SIK3: variants seen among roughly 807,000 people sequenced by gnomAD.
SIK3 encodes the protein SIK family kinase 3, also known as serine/threonine-protein kinase SIK3.
Under a neutral mutation model 144.2 loss-of-function variants are expected in SIK3, and 28 were observed. The ratio of observed to expected loss-of-function variants is 0.19; its 90% CI spans 0.14 to 0.27. The LOEUF (loss-of-function observed/expected upper bound fraction) is 0.27, where lower values mean the gene tolerates loss of function less well. SIK3 is among the 10% of genes least tolerant of loss of function. The pLI is 1.00. For synonymous variants in SIK3, 686 were observed against 676.3 expected (o/e 1.01, Z -0.22); for missense variants, 1,319 against 1,776.0 (o/e 0.74, Z 4.62).
intron 1 of SIK3, among the ~76,000 whole-genome samples, chr11:117,024,494 C>T (rs531950219): frequency 3.3e-5 from 5 of 152,270 alleles, no homozygotes; most frequent in South Asian, 4.1e-4. Context: ...TGCCCCATAA[C>T]TCTAAACTGA....
At position 116,858,504 on chromosome 11, in the gene SIK3, C is replaced by A. The variant is rs148013820; in HGVS notation, c.2961G>T (p.Pro987=). The A allele has an allele frequency of 1.1e-4, 182 of 1,610,456 alleles. 1 individual carries two copies. The African/African-American group carries it at 2.2e-3, about 20-fold the overall frequency. Residue 987 remains proline (P), a synonymous_variant, in exon 21 of 25, where the codon CCG becomes CCT. Transcript: ENST00000445177. This position sits in a 1 kb window ranked among gnomAD's most constrained non-coding sequence, Gnocchi z 5.4. ...GTAGTGCCGACGTGGTATAGTGTGGCGGCTGCTGATGTGCACTGGGAGGGA... is the reference window on the plus strand; with the variant it reads ...GTAGTGCCGACGTGGTATAGTGTGGAGGCTGCTGATGTGCACTGGGAGGGA... ...PTFPPSAHQQ[P]PHYTTSALQQ...
intron 6 of SIK3, among the ~76,000 whole-genome samples, chr11:116,892,475 C>T (rs1346273785): frequency 6.6e-6 from 1 of 152,114 alleles, no homozygotes; most frequent in Non-Finnish European, 1.5e-5. Context: ...GATGCTCATC[C>T]TCATACATCA....
chr11:117,016,257 C>T (rs1362908553), intron 1 of SIK3, among the ~76,000 whole-genome samples: 4 of 147,950 alleles, frequency 2.7e-5, no homozygotes, highest in African/African-American at 5.0e-5. Flanking sequence ...ACCCAGGAGG[C>T]GGCCCTTGCA....
intron 15 of SIK3, among the ~76,000 whole-genome samples, chr11:116,866,542 A>G (rs1943653551): frequency 6.6e-6 from 1 of 152,092 alleles, no homozygotes; most frequent in African/African-American, 2.4e-5. Context: ...CCCGGGTTCA[A>G]GCAATTCTCC....
chr11:116,904,105 T>C (rs911400091), intron 4 of SIK3, among the ~76,000 whole-genome samples: 5 of 152,200 alleles, frequency 3.3e-5, no homozygotes, highest in Admixed American at 1.3e-4. Flanking sequence ...TATGGAACTC[T>C]TCCAATGGGA....
chr11:116,896,269 T>C lies in SIK3; in HGVS notation c.849A>G (p.Pro283=), dbSNP rs1331841260. Residue 283 remains proline, a synonymous_variant, in exon 6 of 25, where the codon CCA becomes CCG. Coordinates refer to ENST00000445177, the MANE Select transcript of SIK3 (RefSeq NM_001366686.3). ...CTCCCTTACCTGTGGACATAAAAAA[T>C]GGGATGCGGAACTTTCCACTCAGCA... is the stretch of plus-strand genomic sequence containing the variant. The part of the protein sequence containing the change: ...ARVLSGKFRI[P]FFMSTECEHL... The C allele has an allele frequency of 2.5e-6, 4 of 1,613,626 alleles. No individual in the cohort carries two copies. Among genetic ancestry groups the C allele is most frequent in the African/African-American group, 1.3e-5 (1 of 74,904 alleles).
intron 4 of SIK3, among the ~76,000 whole-genome samples, chr11:116,909,886 T>C (rs1365764567): frequency 6.6e-6 from 1 of 152,224 alleles, no homozygotes; most frequent in Non-Finnish European, 1.5e-5. Context: ...GACAGAGATC[T>C]CAACTAAAGT....
intron 1 of SIK3, among the ~76,000 whole-genome samples, chr11:117,009,417 G>A (rs1951170516): frequency 6.6e-6 from 1 of 151,716 alleles, no homozygotes; most frequent in South Asian, 2.1e-4. Flanking sequence ...GTGAGGCACT[G>A]GGAATGGTGG....
In SIK3 at chr11:116,845,165, G is replaced by A. The variant is rs1169418944; in HGVS notation, c.*478C>T. On this transcript the variant is annotated 3_prime_UTR_variant, in exon 25 of 25. Coordinates refer to ENST00000445177, the MANE Select transcript of SIK3 (RefSeq NM_001366686.3). ...TTGCTTTCACAGAAGAGCAATGCAG[G>A]GGGATGGAGGGTGCTCTGCTGATGA... is the stretch of plus-strand genomic sequence containing the variant. 6.6e-6 allele frequency: 1 copy of A among 152,188 alleles called. No homozygotes were observed. 9.4% of individuals were successfully genotyped at this position (152,188 alleles called of 1,614,324 possible).
At chr11:116,928,466 T>G (rs1371443394) in intron 3 of SIK3, among the ~76,000 whole-genome samples, 1 of 152,196 alleles carries the variant, frequency 6.6e-6, no homozygotes, top group Non-Finnish European at 1.5e-5. Context: ...AATGAGGGAA[T>G]ATAGATAAAT....
chr11:116,950,386 TGG>T, intron 3 of SIK3: 1 of 269,606 alleles, frequency 3.7e-6, no homozygotes, highest in South Asian at 3.0e-5. Context: ...AATATCAAAA[TGG>T]AGTCACTCAT....
At chr11:116,883,025 G>C (rs2134630578) in intron 6 of SIK3, among the ~76,000 whole-genome samples, 1 of 152,318 alleles carries the variant, frequency 6.6e-6, no homozygotes, top group East Asian at 1.9e-4. Flanking sequence ...TTCAGAACAA[G>C]GATGCTATGC....
Position 116,906,228 on chromosome 11 carries a change from G to A in SIK3, c.617-8911C>T, listed in dbSNP as rs189110432. ...ATTCAAAAGATGTTCTGAAAGGAGC[G>A]GACAGTACTTGATAACAAACAGAAT... On this transcript the variant is annotated intron_variant, in intron 4 of 24. Coordinates refer to ENST00000445177, the MANE Select transcript of SIK3 (RefSeq NM_001366686.3). Among the ~76,000 whole-genome samples the A allele has an allele frequency of 2.2e-3, 336 of 152,140 alleles. 1 individual carries two copies. The highest frequency in any genetic ancestry group is 3.6e-3 in the Non-Finnish European group (246 of 68,000).
chr11:116,892,438 T>C (rs189948984), intron 6 of SIK3, among the ~76,000 whole-genome samples: 1 of 152,298 alleles, frequency 6.6e-6, no homozygotes, highest in East Asian at 1.9e-4. Flanking sequence ...AACAAAGATA[T>C]ATAGATGGCA....
chr11:116,875,055 T>C lies in SIK3; in HGVS notation c.1427+103A>G, dbSNP rs1014500476. The C allele has an allele frequency of 7.0e-6, 6 of 859,514 alleles. No homozygotes were observed. In the Admixed American group the frequency reaches 8.1e-5, roughly 12 times the overall value. 53.2% of individuals were successfully genotyped at this position (859,514 alleles called of 1,614,324 possible). ...CACTTGGCCACTGGATTAGATCTCC[T>C]CTGGGGATACAATGTAGTAGGAAAT... On this transcript the variant is annotated intron_variant, in intron 11 of 24. Transcript: ENST00000445177.
chr11:116,847,666 C>T (rs998797983), intron 22 of SIK3, 58 bp from the exon 23 acceptor site: 14 of 1,606,128 alleles, frequency 8.7e-6, no homozygotes, highest in Non-Finnish European at 1.2e-5. Context: ...TCAGGCAACC[C>T]CTAGAGACAG....
chr11:116,953,956 G>T, intron 3 of SIK3, 88 bp downstream of exon 3: 1 of 965,128 alleles, frequency 1.0e-6, no homozygotes, highest in Non-Finnish European at 1.6e-6. Context: ...AGTGACTGCT[G>T]CTCAAGTGAC....
chr11:116,987,990 G>C (rs1338685339), intron 1 of SIK3, among the ~76,000 whole-genome samples: 1 of 152,176 alleles, frequency 6.6e-6, no homozygotes, highest in African/African-American at 2.4e-5. Flanking sequence ...ACCACGTACT[G>C]TGAGAAGTAG....
intron 1 of SIK3, among the ~76,000 whole-genome samples, chr11:117,031,193 A>G (rs894878968): frequency 5.3e-5 from 8 of 152,104 alleles, no homozygotes; most frequent in Non-Finnish European, 7.4e-5. Flanking sequence ...TTTCTAGATC[A>G]TACTTTTGGT....
Sources: gnomAD v4.1 joint callset for allele counts (sites outside exome capture counted in the v4.1 genomes callset) on GRCh38, gnomAD v4.1.1 for gene constraint, Gnocchi (gnomAD v3.1) non-coding constraint, MANE v1.5 for transcripts, NCBI Gene and HGNC (gene_info 2026-07-23, HGNC 2026-07-21) for gene names.